ZNF724: variants seen among roughly 807,000 people sequenced by gnomAD.
ZNF724 encodes the protein zinc finger protein 724 pseudogene.
In ZNF724, 14 loss-of-function variants were observed where a neutral mutation model predicts 29.3. The ratio of observed to expected loss-of-function variants is 0.48; its 90% CI spans 0.32 to 0.75. ZNF724 has a LOEUF of 0.75. Ranked by LOEUF, ZNF724 falls within the 30% of genes least tolerant of loss-of-function variation. The probability of loss-of-function intolerance (pLI) is 0.04; values close to 1 mark genes in which losing one functional copy is unlikely to be tolerated. For missense variants in ZNF724, 557 were observed against 571.2 expected, an observed-to-expected ratio of 0.98 and a Z score of 0.25; for synonymous variants, 180 against 193.6, an observed-to-expected ratio of 0.93 and a Z score of 0.58.
chr19:23,240,281 CAAAAAA>C (rs34902602), intron 1 of ZNF724, among the ~76,000 whole-genome samples: 1 of 118,636 alleles, frequency 8.4e-6, no homozygotes, highest in South Asian at 2.9e-4. Flanking sequence ...GAGACTCTGT[CAAAAAA>C]AAAAAAAAAA....
intron 1 of ZNF724, among the ~76,000 whole-genome samples, chr19:23,241,554 A>G (rs1267780114): frequency 6.6e-6 from 1 of 152,240 alleles, no homozygotes; most frequent in East Asian, 1.9e-4. Context: ...ACTATAACCA[A>G]GTAGGCTTTA....
chr19:23,229,039 AG>A (rs1971888954), intron 3 of ZNF724, among the ~76,000 whole-genome samples: 1 of 151,344 alleles, frequency 6.6e-6, no homozygotes, highest in African/African-American at 2.4e-5. Context: ...CTCCAGTCTG[AG>A]GAACAGAGTG....
Position 23,222,537 on chromosome 19 carries a change from C to G in ZNF724, c.1708G>C (p.Ala570Pro). ...GTCAGAGTTGAGGACCAATTAAAGG[C>G]TTTGCCACATTCTTCACATTTGTAG... ...KPYKCEECGK[A>P]FNWSSTLTKH... The change falls in exon 4 of 4, where the codon GCC becomes CCC. Residue 570 changes from alanine (A) to proline (P), a missense_variant. Ala to Pro is a conservative substitution (Grantham distance 27). Transcript: ENST00000418100. 1.5e-6 allele frequency: 2 copies of G among 1,365,724 alleles called. No homozygotes were observed. Among genetic ancestry groups the G allele is most frequent in the South Asian group, 1.2e-5 (1 of 85,714 alleles). 84.6% of individuals were successfully genotyped at this position (1,365,724 alleles called of 1,614,324 possible). A position where few individuals can be genotyped will look rare whatever the true frequency, so the allele number is the denominator to read the frequency against.
At chr19:23,233,001 A>G (rs1219592855) in intron 1 of ZNF724, among the ~76,000 whole-genome samples, 1 of 152,188 alleles carries the variant, frequency 6.6e-6, no homozygotes, top group Non-Finnish European at 1.5e-5. Context: ...TAGTGAAAAA[A>G]TCTGTCAGAC....
chr19:23,223,058 C>T lies in ZNF724; in HGVS notation c.1187G>A (p.Cys396Tyr). The T allele has an allele frequency of 1.5e-6, 2 of 1,295,462 alleles. No homozygotes were observed. Among genetic ancestry groups the T allele is most frequent in the Non-Finnish European group, 2.2e-6 (2 of 890,942 alleles). 80.2% of individuals were successfully genotyped at this position (1,295,462 alleles called of 1,614,324 possible). Reference protein sequence around the residue: ...RIHTGEKPYKCEECGKAFNTS... With the variant: ...RIHTGEKPYKYEECGKAFNTS... The stretch of plus-strand genomic sequence containing the variant: ...GTTAAAGGCTTTGCCACATTCTTCA[C>T]ATTTGTATGGTTTTTCTCCAGTATG... The change falls in exon 4 of 4, where the codon TGT becomes TAT. Residue 396 changes from cysteine to tyrosine, a missense_variant. Physicochemically the swap from Cys to Tyr is radical, Grantham distance 194. Transcript: ENST00000418100.
At chr19:23,240,196 G>A (rs992524494) in intron 1 of ZNF724, among the ~76,000 whole-genome samples, 10 of 150,452 alleles carry the variant, frequency 6.6e-5, no homozygotes, top group Non-Finnish European at 1.2e-4. Flanking sequence ...CATGCCTGTA[G>A]TCCCACCTAC....
At chr19:23,238,390 A>T (rs933332633) in intron 1 of ZNF724, among the ~76,000 whole-genome samples, 2 of 145,212 alleles carry the variant, frequency 1.4e-5, no homozygotes, top group African/African-American at 5.0e-5. Flanking sequence ...CCTTTGCCAA[A>T]GCAAAAACAC....
At chr19:23,241,725 G>T (rs1378429566) in intron 1 of ZNF724, among the ~76,000 whole-genome samples, 1 of 152,114 alleles carries the variant, frequency 6.6e-6, no homozygotes, top group East Asian at 1.9e-4. Context: ...ACTAAGCATT[G>T]AAGATACATA....
At chr19:23,243,075 G>C (rs1599648438) in intron 1 of ZNF724, among the ~76,000 whole-genome samples, 1 of 131,358 alleles carries the variant, frequency 7.6e-6, no homozygotes, top group African/African-American at 2.7e-5. Flanking sequence ...AAGAAAGAAA[G>C]AAAATATAAT....
In ZNF724 at chr19:23,222,630, A is replaced by G. The variant is rs186102769; in HGVS notation, c.1615T>C (p.Cys539Arg). ...AGEKPYKCEECGKAFYQYSNL... is the reference protein window; with the variant it reads ...AGEKPYKCEERGKAFYQYSNL... ...GAGTATTGGTAAAAAGCTTTGCCAC[A>G]TTCTTCACATTTGTAGGGTTTCTCT... Residue 539 changes from cysteine (C) to arginine (R), a missense_variant, in exon 4 of 4, where the codon TGT becomes CGT. Cys to Arg is a radical substitution (Grantham distance 180). Transcript: ENST00000418100. The G allele has an allele frequency of 2.2e-6, 3 of 1,360,358 alleles. No homozygotes were observed. Among genetic ancestry groups the G allele is most frequent in the East Asian group, 4.6e-5 (2 of 43,264 alleles). 84.3% of individuals were successfully genotyped at this position (1,360,358 alleles called of 1,614,324 possible).
rs1971770331 is a variant in ZNF724, at chr19:23,223,760, C to A, written c.485G>T (p.Arg162Ile). 2 of 752,946 alleles carry A rather than the reference C, an allele frequency of 2.7e-6. No individual in the cohort carries two copies. The highest frequency in any genetic ancestry group is 5.1e-5 in the East Asian group (2 of 39,380). The allele number at this position is 752,946 out of a possible 1,614,324, so 46.6% of individuals were successfully genotyped here. The change falls in exon 4 of 4, where the codon AGA (arginine) becomes ATA (isoleucine). Residue 162 changes from arginine to isoleucine, a missense_variant. Around this residue, in one of 3 missense-constraint regions of ZNF724, gnomAD observed 362 missense variants for 295.5 expected, o/e 1.22. Transcript: ENST00000418100. ...GAAAGGATTCTTTTCAGTCTTATGT[C>A]TATTTGAATTTGAAAATTTATGAAA... is the stretch of plus-strand genomic sequence containing the variant. Reference protein sequence around the residue: ...KDFHKFSNSNRHKTEKNPFKC... With the variant: ...KDFHKFSNSNIHKTEKNPFKC...
chr19:23,238,649 T>A (rs1325662424), intron 1 of ZNF724, among the ~76,000 whole-genome samples: 1 of 152,048 alleles, frequency 6.6e-6, no homozygotes, highest in East Asian at 2.0e-4. Context: ...GCATGGTAGC[T>A]CATGCCTGTA....
chr19:23,226,828 T>G (rs1391987445), intron 3 of ZNF724, among the ~76,000 whole-genome samples: 1 of 152,154 alleles, frequency 6.6e-6, no homozygotes, highest in Non-Finnish European at 1.5e-5. Flanking sequence ...CTCATTTATT[T>G]CTTAATTAAG....
At chr19:23,242,257 C>T (rs1972136745) in intron 1 of ZNF724, among the ~76,000 whole-genome samples, 1 of 152,084 alleles carries the variant, frequency 6.6e-6, no homozygotes, top group African/African-American at 2.4e-5. Flanking sequence ...ATTTGATGGT[C>T]ATGGACAGAG....
intron 1 of ZNF724, among the ~76,000 whole-genome samples, chr19:23,245,569 C>T (rs1156985978): frequency 6.6e-5 from 10 of 151,772 alleles, no homozygotes; most frequent in South Asian, 2.1e-4. Flanking sequence ...GCAGAGATCG[C>T]GCCACTGCAC....
At chr19:23,239,532 A>G (rs1972082073) in intron 1 of ZNF724, among the ~76,000 whole-genome samples, 1 of 152,254 alleles carries the variant, frequency 6.6e-6, no homozygotes, top group African/African-American at 2.4e-5. Context: ...TAAGAAGAAC[A>G]AAGATACACA....
Position 23,223,760 on chromosome 19 carries a change from C to T in ZNF724, c.485G>A (p.Arg162Lys). 1 of 752,946 alleles carries T rather than the reference C, an allele frequency of 1.3e-6. No homozygotes were observed. Among genetic ancestry groups the T allele is most frequent in the Middle Eastern group, 2.3e-4 (1 of 4,400 alleles). 46.6% of individuals were successfully genotyped at this position (752,946 alleles called of 1,614,324 possible). A position where few individuals can be genotyped will look rare whatever the true frequency, so the allele number is the denominator to read the frequency against. ...KDFHKFSNSN[R>K]HKTEKNPFKC... ...GAAAGGATTCTTTTCAGTCTTATGT[C>T]TATTTGAATTTGAAAATTTATGAAA... The change falls in exon 4 of 4, where the codon AGA becomes AAA. Residue 162 changes from arginine (R) to lysine (K), a missense_variant. Arg to Lys is a conservative substitution (Grantham distance 26, BLOSUM62 2). Transcript: ENST00000418100.
chr19:23,231,046 G>A (rs942576289), intron 3 of ZNF724: 2 of 274,110 alleles, frequency 7.3e-6, no homozygotes, highest in African/African-American at 2.3e-5. Context: ...ACCACACCCA[G>A]CTAATTTTGT....
intron 1 of ZNF724, among the ~76,000 whole-genome samples, chr19:23,244,771 C>A (rs1972208580): frequency 6.6e-6 from 1 of 152,148 alleles, no homozygotes; most frequent in Non-Finnish European, 1.5e-5. Context: ...CAGTAACAAA[C>A]CCCATGGGCC....
Sources: allele counts gnomAD v4.1 joint callset (sites outside exome capture counted in the v4.1 genomes callset), GRCh38; gene constraint gnomAD v4.1.1; regional missense constraint gnomAD v4.1.1; transcripts MANE v1.5; gene names NCBI Gene and HGNC (gene_info 2026-07-23, HGNC 2026-07-21).